Variants in ZMPSTE24 observed in about 807,000 individuals in gnomAD.
ZMPSTE24 encodes CAAX prenyl protease 1 homolog.
In ZMPSTE24, 48 loss-of-function variants were observed where a neutral mutation model predicts 56.7. The ratio of observed to expected loss-of-function variants is 0.85; its 90% CI spans 0.67 to 1.08. The LOEUF (loss-of-function observed/expected upper bound fraction) is 1.08, where lower values mean the gene tolerates loss of function less well. Ranked by LOEUF, ZMPSTE24 falls within the 50% of genes least tolerant of loss-of-function variation. ZMPSTE24 has a pLI of 0.00. For synonymous variants in ZMPSTE24, 172 were observed against 195.2 expected, an observed-to-expected ratio of 0.88 and a Z score of 0.99; for missense variants, 503 against 548.7, an observed-to-expected ratio of 0.92 and a Z score of 0.83.
rs148764034 is a variant in ZMPSTE24, at chr1:40,269,980, G to C, written c.480G>C (p.Leu160Phe). The C allele has an allele frequency of 2.5e-6, 4 of 1,612,536 alleles. No homozygotes were observed. The highest frequency in any genetic ancestry group is 3.4e-6 in the Non-Finnish European group (4 of 1,179,624). Residue 160 changes from leucine (L) to phenylalanine (F), a missense_variant, in exon 5 of 10, where the codon TTG becomes TTC. Coordinates refer to ENST00000372759, the MANE Select transcript of ZMPSTE24 (RefSeq NM_005857.5). ...EEKHGFNQQT[L>F]GFFMKDAIKK... ...GTAATGTTTTCTTTTTGCAGACTTT[G>C]GGGTTCTTCATGAAAGATGCAATCA... is the stretch of plus-strand genomic sequence containing the variant.
intron 6 of ZMPSTE24, among the ~76,000 whole-genome samples, chr1:40,279,925 T>G (rs929546385): frequency 6.6e-6 from 1 of 152,204 alleles, no homozygotes; most frequent in African/African-American, 2.4e-5. Context: ...GAGCTTCTTC[T>G]GTGTCCACCC....
rs117010685 is a variant in ZMPSTE24, at chr1:40,287,365, G to A, written c.1059+1336G>A. Among the ~76,000 whole-genome samples the A allele has an allele frequency of 1.1e-3, 175 of 152,174 alleles. 2 individuals are homozygous for A. In the East Asian group the frequency reaches 0.028, roughly 25 times the overall value. On this transcript the variant is annotated intron_variant, in intron 8 of 9. Transcript: ENST00000372759. ...ATTACAGGCATAAGCCACCGTGCCC[G>A]GTCTAAAACATTTTTTTCATTTAAA... is the stretch of plus-strand genomic sequence containing the variant.
chr1:40,273,538 ATATATATAT>A lies in ZMPSTE24; in HGVS notation c.769+1504_769+1512del, dbSNP rs1216512201. On this transcript the variant is annotated intron_variant, in intron 6 of 9. Coordinates refer to ENST00000372759, the MANE Select transcript of ZMPSTE24 (RefSeq NM_005857.5). ...GTCTAAAAAAAAAAAAAAAAAAAAA[ATATATATAT>A]ATATATATATATATATATATATGTC... Among the ~76,000 whole-genome samples the A allele has an allele frequency of 2.4e-3, 41 of 17,336 alleles. 1 individual carries two copies. The highest frequency in any genetic ancestry group is 5.4e-3 in the African/African-American group (35 of 6,432). 11.4% of individuals were successfully genotyped at this position (17,336 alleles called of 152,430 possible).
At chr1:40,274,248 A>G (rs1377838235) in intron 6 of ZMPSTE24, among the ~76,000 whole-genome samples, 4 of 152,236 alleles carry the variant, frequency 2.6e-5, no homozygotes, top group African/African-American at 2.4e-5. Flanking sequence ...CTCACCTATA[A>G]TGTATGTTTT....
intron 2 of ZMPSTE24, among the ~76,000 whole-genome samples, chr1:40,265,090 G>C (rs1643536546): frequency 6.6e-6 from 1 of 151,928 alleles, no homozygotes. Context: ...TCCCCAAAAG[G>C]TTTGCAGTAT....
chr1:40,273,700 T>TG (rs1643639936), intron 6 of ZMPSTE24, among the ~76,000 whole-genome samples: 1 of 133,060 alleles, frequency 7.5e-6, no homozygotes, highest in Admixed American at 7.3e-5. Flanking sequence ...AAATAACTAC[T>TG]CTTTTTTTTT....
At chr1:40,272,126 G>T in intron 6 of ZMPSTE24, 91 bp downstream of exon 6, 1 of 1,372,632 alleles carries the variant, frequency 7.3e-7, no homozygotes, top group Non-Finnish European at 9.6e-7. Context: ...GAATTAATCA[G>T]TTTTTGTTTT....
chr1:40,294,171 C>G lies in ZMPSTE24; in HGVS notation c.*1502C>G, dbSNP rs568015449. The G allele has an allele frequency of 6.5e-6, 1 of 152,692 alleles. No homozygotes were observed. Among genetic ancestry groups the G allele is most frequent in the East Asian group, 1.9e-4 (1 of 5,196 alleles). 9.5% of individuals were successfully genotyped at this position (152,692 alleles called of 1,614,324 possible). On this transcript the variant is annotated 3_prime_UTR_variant, in exon 10 of 10. Transcript: ENST00000372759. ...AAAGTGAAACATTAAACATTGCCAA[C>G]GCAAATGTATGTACTTTGTCTTTAG...
chr1:40,263,056 A>G, intron 2 of ZMPSTE24: 1 of 900,284 alleles, frequency 1.1e-6, no homozygotes, highest in Non-Finnish European at 1.3e-6. Context: ...GGCCATAGTA[A>G]AATAATAGGA....
In ZMPSTE24 at chr1:40,267,839, C is replaced by T; in HGVS notation, c.324C>T (p.Phe108=). Residue 108 remains phenylalanine, a synonymous_variant, in exon 3 of 10, where the codon TTC becomes TTT. Coordinates refer to ENST00000372759, the MANE Select transcript of ZMPSTE24 (RefSeq NM_005857.5). ...ATCTCTGGAGACTTTCTGGACGGTTCTGTGGTTATGCTGGCTTTGGACCAG... is the reference window on the plus strand; with the variant it reads ...ATCTCTGGAGACTTTCTGGACGGTTTTGTGGTTATGCTGGCTTTGGACCAG... ...IPYLWRLSGR[F]CGYAGFGPEY... is the part of the protein sequence containing the mutation. 1 of 1,613,752 alleles carries T rather than the reference C, an allele frequency of 6.2e-7. No individual in the cohort carries two copies. Among genetic ancestry groups the T allele is most frequent in the Non-Finnish European group, 8.5e-7 (1 of 1,179,780 alleles).
At chr1:40,274,192 T>A (rs1282097345) in intron 6 of ZMPSTE24, among the ~76,000 whole-genome samples, 2 of 152,252 alleles carry the variant, frequency 1.3e-5, no homozygotes, top group Non-Finnish European at 2.9e-5. Flanking sequence ...CGAGACAAAC[T>A]ACTTGTGTGA....
intron 8 of ZMPSTE24, 73 bp downstream of exon 8, chr1:40,286,102 A>T: frequency 7.3e-7 from 1 of 1,364,114 alleles, no homozygotes; most frequent in Non-Finnish European, 1.0e-6. Flanking sequence ...ATGAGAGGTC[A>T]TATAAGAGAG....
chr1:40,259,994 C>T (rs1643478961), intron 1 of ZMPSTE24, among the ~76,000 whole-genome samples: 1 of 150,868 alleles, frequency 6.6e-6, no homozygotes, highest in African/African-American at 2.4e-5. Flanking sequence ...TATTACATTT[C>T]CTGGACTGAA....
intron 6 of ZMPSTE24, among the ~76,000 whole-genome samples, 188 bp downstream of exon 6, chr1:40,272,223 A>G (rs1490039259): frequency 6.6e-6 from 1 of 152,186 alleles, no homozygotes; most frequent in Admixed American, 6.5e-5. Flanking sequence ...TAGGCCAGGG[A>G]TAGAAACTGG....
chr1:40,291,443 C>T (rs1643843469), intron 9 of ZMPSTE24, among the ~76,000 whole-genome samples: 1 of 152,150 alleles, frequency 6.6e-6, no homozygotes, highest in South Asian at 2.1e-4. Context: ...TCCACCCAAA[C>T]CCACAAAATC....
At chr1:40,266,589 C>G (rs1012892168) in intron 2 of ZMPSTE24, among the ~76,000 whole-genome samples, 5 of 152,100 alleles carry the variant, frequency 3.3e-5, no homozygotes, top group Non-Finnish European at 2.9e-5. Context: ...AGCAAAGACA[C>G]AGATAATCCC....
intron 8 of ZMPSTE24, among the ~76,000 whole-genome samples, chr1:40,289,452 TAGG>T: frequency 6.6e-6 from 1 of 152,336 alleles, no homozygotes; most frequent in East Asian, 1.9e-4. Context: ...ATTATAAGTG[TAGG>T]AGACTTCACT....
At position 40,293,432 on chromosome 1, in the gene ZMPSTE24, T is replaced by G. The variant is rs1643862558; in HGVS notation, c.*763T>G. ...ATCCCATTGGAGGTAAATTGTAGCT[T>G]CTTCTCATTCATGCAGTAAATAATA... On this transcript the variant is annotated 3_prime_UTR_variant, in exon 10 of 10. Transcript: ENST00000372759. The G allele has an allele frequency of 2.0e-5, 3 of 152,218 alleles. No individual in the cohort carries two copies. Among genetic ancestry groups the G allele is most frequent in the Admixed American group, 2.0e-4 (3 of 15,286 alleles). The allele number at this position is 152,218 out of a possible 1,614,324, so 9.4% of individuals were successfully genotyped here. A position where few individuals can be genotyped will look rare whatever the true frequency, so the allele number is the denominator to read the frequency against.
intron 2 of ZMPSTE24, among the ~76,000 whole-genome samples, chr1:40,264,842 G>A (rs1470785153): frequency 7.3e-6 from 1 of 136,264 alleles, no homozygotes; most frequent in South Asian, 2.4e-4. Flanking sequence ...TCACACTGCT[G>A]TACCCCCGCC....
Sources: gnomAD v4.1 joint callset for allele counts (sites outside exome capture counted in the v4.1 genomes callset) on GRCh38, gnomAD v4.1.1 for gene constraint, MANE v1.5 for transcripts, NCBI Gene and HGNC (gene_info 2026-07-23, HGNC 2026-07-21) for gene names.